Variants in TRPS1 observed in about 807,000 individuals in gnomAD.
TRPS1 encodes the protein zinc finger transcription factor Trps1.
In TRPS1, 6 loss-of-function variants were observed where a neutral mutation model predicts 101.2. The observed-to-expected ratio is 0.06, with a 90% CI of 0.03 to 0.12. TRPS1 has a LOEUF of 0.12. TRPS1 is among the 10% of genes least tolerant of loss of function. TRPS1 has a pLI of 1.00. For synonymous variants in TRPS1, 578 were observed against 589.8 expected, an observed-to-expected ratio of 0.98 and a Z score of 0.29; for missense variants, 1,363 against 1,567.0, an observed-to-expected ratio of 0.87 and a Z score of 2.20.
chr8:115,621,766 A>T (rs1818398267), intron 2 of TRPS1, among the ~76,000 whole-genome samples: 1 of 151,986 alleles, frequency 6.6e-6, no homozygotes, highest in Non-Finnish European at 1.5e-5. Flanking sequence ...AAATACAAAA[A>T]TTAGCTGGGT....
At chr8:115,493,293 C>T (rs1815072502) in intron 5 of TRPS1, among the ~76,000 whole-genome samples, 1 of 152,174 alleles carries the variant, frequency 6.6e-6, no homozygotes, top group South Asian at 2.1e-4. Context: ...TGTCACATGG[C>T]ATATAGCCTT....
intron 1 of TRPS1, among the ~76,000 whole-genome samples, chr8:115,642,084 T>G (rs1231389354): frequency 6.6e-6 from 1 of 151,852 alleles, no homozygotes; most frequent in Non-Finnish European, 1.5e-5. Flanking sequence ...CATGATGGCT[T>G]GTGCCTGTAG....
Position 115,418,272 on chromosome 8 carries a change from A to G in TRPS1, c.2823+58T>C. 1.2e-6 allele frequency: 2 copies of G among 1,613,658 alleles called. No individual in the cohort carries two copies. On this transcript the variant is annotated intron_variant, in intron 6 of 6. Coordinates refer to ENST00000395715, the MANE Select transcript of TRPS1 (RefSeq NM_014112.5). The surrounding 1 kb of genome is among the most constrained non-coding windows in gnomAD (Gnocchi z 4.3). The stretch of plus-strand genomic sequence containing the variant: ...CAGGGAATGGGACTTATCACACCAC[A>G]GACCAGGCCAACACTGCTTTATAAA...
chr8:115,592,510 C>G (rs1354817031), intron 4 of TRPS1, among the ~76,000 whole-genome samples: 1 of 152,132 alleles, frequency 6.6e-6, no homozygotes, highest in Non-Finnish European at 1.5e-5. Flanking sequence ...ATCTTTCAGG[C>G]TATTGAACAC....
At chr8:115,571,231 C>T (rs1234609791) in intron 5 of TRPS1, among the ~76,000 whole-genome samples, 2 of 152,158 alleles carry the variant, frequency 1.3e-5, no homozygotes, top group African/African-American at 2.4e-5. Flanking sequence ...AGTTCCTTTA[C>T]TTTTAAAATG....
intron 5 of TRPS1, among the ~76,000 whole-genome samples, chr8:115,580,579 A>C (rs1817423346): frequency 6.6e-6 from 1 of 152,060 alleles, no homozygotes; most frequent in Non-Finnish European, 1.5e-5. Context: ...TGGAAAAGAG[A>C]AGCCAAGCAA....
At chr8:115,571,412 A>G (rs1586415082) in intron 5 of TRPS1, among the ~76,000 whole-genome samples, 1 of 152,286 alleles carries the variant, frequency 6.6e-6, no homozygotes, top group South Asian at 2.1e-4. Flanking sequence ...TAGGCTAGTA[A>G]AAAGTCATAA....
At chr8:115,512,149 C>T (rs1476921685) in intron 5 of TRPS1, among the ~76,000 whole-genome samples, 1 of 151,594 alleles carries the variant, frequency 6.6e-6, no homozygotes, top group African/African-American at 2.4e-5. Context: ...AAAATTCTCT[C>T]CAAGCTGAAA....
At chr8:115,642,638 G>C (rs1054368390) in intron 1 of TRPS1, among the ~76,000 whole-genome samples, 1 of 151,780 alleles carries the variant, frequency 6.6e-6, no homozygotes, top group Non-Finnish European at 1.5e-5. Flanking sequence ...CTCAATTAGG[G>C]ACACCTTTTC....
intron 5 of TRPS1, among the ~76,000 whole-genome samples, chr8:115,520,273 C>T (rs1815825634): frequency 6.6e-6 from 1 of 151,630 alleles, no homozygotes; most frequent in African/African-American, 2.4e-5. Flanking sequence ...ATTTTGTGCC[C>T]TAGGAGATCA....
At chr8:115,502,897 C>T (rs1815351905) in intron 5 of TRPS1, among the ~76,000 whole-genome samples, 1 of 152,108 alleles carries the variant, frequency 6.6e-6, no homozygotes, top group Admixed American at 6.6e-5. Flanking sequence ...AAGAGTCAAA[C>T]TTTCTTGGTA....
intron 1 of TRPS1, among the ~76,000 whole-genome samples, chr8:115,642,581 T>C (rs1174721555): frequency 1.3e-5 from 2 of 151,876 alleles, no homozygotes; most frequent in South Asian, 2.1e-4. Context: ...ATAATCCAAA[T>C]ACAATTCAAT....
At chr8:115,557,216 C>G (rs989432094) in intron 5 of TRPS1, among the ~76,000 whole-genome samples, 7 of 152,048 alleles carry the variant, frequency 4.6e-5, no homozygotes, top group African/African-American at 1.4e-4. Context: ...CCAGGTCCCT[C>G]CCACAATACA....
chr8:115,586,869 G>A (rs1817570111), intron 5 of TRPS1, 132 bp downstream of exon 5: 1 of 1,523,946 alleles, frequency 6.6e-7, no homozygotes, highest in South Asian at 1.2e-5. Context: ...GGCCTTAGGA[G>A]TATAAATCCC....
chr8:115,549,639 G>A (rs1177296871), intron 5 of TRPS1, among the ~76,000 whole-genome samples: 1 of 149,308 alleles, frequency 6.7e-6, no homozygotes, highest in East Asian at 2.0e-4. Flanking sequence ...TAGGAACCTT[G>A]GTCAAGTAGC....
At position 115,546,611 on chromosome 8, in the gene TRPS1, C is replaced by G. The variant is rs1187560385; in HGVS notation, c.2700+40390G>C. 3.3e-5 allele frequency among the ~76,000 whole-genome samples: 5 copies of G among 151,596 alleles called. No homozygotes were observed. In the South Asian group the frequency reaches 1.0e-3, roughly 32 times the overall value. Reference sequence around the variant, plus strand: ...ACACACACACACACACACACACACACAGAGCCACGGAGGTTTTAGTGTTTA... The same window carrying G: ...ACACACACACACACACACACACACAGAGAGCCACGGAGGTTTTAGTGTTTA... On this transcript the variant is annotated intron_variant, in intron 5 of 6. Coordinates refer to ENST00000395715, the MANE Select transcript of TRPS1 (RefSeq NM_014112.5).
chr8:115,454,265 A>G (rs1813959997), intron 5 of TRPS1, among the ~76,000 whole-genome samples: 1 of 152,204 alleles, frequency 6.6e-6, no homozygotes, highest in African/African-American at 2.4e-5. Context: ...AGCCATTCAA[A>G]TAGGCTAGCC....
intron 1 of TRPS1, among the ~76,000 whole-genome samples, chr8:115,647,217 A>G (rs1042250294): frequency 6.6e-6 from 1 of 152,154 alleles, no homozygotes; most frequent in Non-Finnish European, 1.5e-5. Context: ...CTTGTGGAAA[A>G]ATTTCAGAAC....
intron 1 of TRPS1, among the ~76,000 whole-genome samples, chr8:115,629,145 AAAAAAAC>A (rs1181726532): frequency 1.1e-4 from 17 of 151,960 alleles, no homozygotes; most frequent in East Asian, 5.8e-4. Context: ...GTAGTTAAGG[AAAAAAAC>A]AAAAAACAAA....
Sources: allele counts gnomAD v4.1 joint callset (sites outside exome capture counted in the v4.1 genomes callset), GRCh38; gene constraint gnomAD v4.1.1; non-coding constraint Gnocchi (gnomAD v3.1); transcripts MANE v1.5; gene names NCBI Gene and HGNC (gene_info 2026-07-23, HGNC 2026-07-21).